PER2: variants seen among roughly 807,000 people sequenced by gnomAD.
PER2 encodes period circadian regulator 2.
In PER2, 66 loss-of-function variants were observed where a neutral mutation model predicts 121.0. The ratio of observed to expected loss-of-function variants is 0.55; its 90% CI spans 0.45 to 0.67. The LOEUF is 0.67. PER2 is among the 30% of genes least tolerant of loss of function. The pLI, the probability that PER2 is intolerant of heterozygous loss-of-function variation, is 0.00. For missense variants in PER2, 1,521 were observed against 1,635.0 expected (o/e 0.93, Z 1.20); for synonymous variants, 684 against 659.9 (o/e 1.04, Z -0.56).
At chr2:238,297,628 G>A in the PER2 span, among the ~76,000 whole-genome samples, 1 of 152,232 alleles carries the variant, frequency 6.6e-6, no homozygotes, top group Non-Finnish European at 1.5e-5. Context: ...GTGGCAGACT[G>A]TGTGCCCTGG....
At chr2:238,264,294 T>C (rs1696029756) in intron 9 of PER2, among the ~76,000 whole-genome samples, 1 of 152,216 alleles carries the variant, frequency 6.6e-6, no homozygotes, top group African/African-American at 2.4e-5. Context: ...AGATCCTGGT[T>C]CCACAGGGCA....
Position 238,268,958 on chromosome 2 carries a change from T to C in PER2, c.789A>G (p.Glu263=), listed in dbSNP as rs745750757. 2 of 1,612,558 alleles carry C rather than the reference T, an allele frequency of 1.2e-6. No individual in the cohort carries two copies. The highest frequency in any genetic ancestry group is 1.7e-6 in the Non-Finnish European group (2 of 1,178,596). Residue 263 remains glutamate, a synonymous_variant, in exon 7 of 23, where the codon GAA becomes GAG. Transcript: ENST00000254657. The surrounding 1 kb of genome is among the most constrained non-coding windows in gnomAD (Gnocchi z 4.0). ...AAAAGAAAGATTTCTCCTCCATGCATTCTTGAGTAAAAGAATCTAAAAGAG... is the reference window on the plus strand; with the variant it reads ...AAAAGAAAGATTTCTCCTCCATGCACTCTTGAGTAAAAGAATCTAAAAGAG... ...MCSGADSFTQ[E]CMEEKSFFCR... is the part of the protein sequence containing the mutation.
In PER2 at chr2:238,268,048, G is replaced by A. The variant is rs374575099; in HGVS notation, c.967+8C>T. ...AACATCTGCCCTCGCCCTGGGCTTGGCTGTTACCTTCATAACCAGAGTGCA... is the reference window on the plus strand; with the variant it reads ...AACATCTGCCCTCGCCCTGGGCTTGACTGTTACCTTCATAACCAGAGTGCA... On this transcript the variant is annotated splice_region_variant and intron_variant, in intron 8 of 22. Coordinates refer to ENST00000254657, the MANE Select transcript of PER2 (RefSeq NM_022817.3). This position sits in a 1 kb window ranked among gnomAD's most constrained non-coding sequence, Gnocchi z 4.0. 7 of 1,613,632 alleles carry A rather than the reference G, an allele frequency of 4.3e-6. No individual in the cohort carries two copies. Among genetic ancestry groups the A allele is most frequent in the Non-Finnish European group, 5.9e-6 (7 of 1,179,918 alleles).
chr2:238,294,925 A>G (rs2106341049), upstream of PER2, among the ~76,000 whole-genome samples: 1 of 152,340 alleles, frequency 6.6e-6, no homozygotes, highest in South Asian at 2.1e-4. Flanking sequence ...CTCTGAGTCC[A>G]CAAGGACTCA....
At position 238,268,038 on chromosome 2, in the gene PER2, C is replaced by A. The variant is rs1261943880; in HGVS notation, c.967+18G>T. 1.2e-6 allele frequency: 2 copies of A among 1,613,272 alleles called. No individual in the cohort carries two copies. The highest frequency in any genetic ancestry group is 8.5e-7 in the Non-Finnish European group (1 of 1,179,918). On this transcript the variant is annotated intron_variant, in intron 8 of 22. Coordinates refer to ENST00000254657, the MANE Select transcript of PER2 (RefSeq NM_022817.3). The surrounding 1 kb of genome is among the most constrained non-coding windows in gnomAD (Gnocchi z 4.0). ...AGCCAGAGACAACATCTGCCCTCGC[C>A]CTGGGCTTGGCTGTTACCTTCATAA...
intron 9 of PER2, among the ~76,000 whole-genome samples, chr2:238,264,066 G>A (rs752289496): frequency 2.0e-5 from 3 of 152,118 alleles, no homozygotes; most frequent in African/African-American, 4.8e-5. Flanking sequence ...GGCTGTCCTT[G>A]GGCTTTGTGA....
Position 238,247,967 on chromosome 2 carries a change from G to A in PER2, c.3618+1095C>T, listed in dbSNP as rs150241868. Among the ~76,000 whole-genome samples the A allele has an allele frequency of 7.9e-5, 12 of 152,366 alleles. No homozygotes were observed. The East Asian group carries it at 2.1e-3, about 27-fold the overall frequency. On this transcript the variant is annotated intron_variant, in intron 22 of 22. Transcript: ENST00000254657. The stretch of plus-strand genomic sequence containing the variant: ...GGAAGCATCCTCATGGCTTGGACCT[G>A]TGTGGTGATGGGCTTCATCTACCTT...
At position 238,288,525 on chromosome 2, in the gene PER2, C is replaced by G. The variant is rs1192257479; in HGVS notation, c.-196G>C. The G allele has an allele frequency of 6.6e-6, 1 of 152,068 alleles. No homozygotes were observed. The highest frequency in any genetic ancestry group is 1.5e-5 in the Non-Finnish European group (1 of 67,984). 9.4% of individuals were successfully genotyped at this position (152,068 alleles called of 1,614,324 possible). ...TTTCAAGCCGAGGAGTCCAGCAGCC[C>G]AAGGAACTTCCGGCGGCGCCTCCGC... On this transcript the variant is annotated 5_prime_UTR_variant, in exon 1 of 23. Coordinates refer to ENST00000254657, the MANE Select transcript of PER2 (RefSeq NM_022817.3).
At chr2:238,298,037 T>A in the PER2 span, among the ~76,000 whole-genome samples, 2 of 150,028 alleles carry the variant, frequency 1.3e-5, no homozygotes, top group Admixed American at 1.3e-4. Context: ...TGTTCTTTTT[T>A]TTTTTTTTTT....
At chr2:238,249,331 A>G in intron 21 of PER2, 119 bp from the exon 22 acceptor site, 1 of 1,071,248 alleles carries the variant, frequency 9.3e-7, no homozygotes, top group Non-Finnish European at 1.4e-6. Context: ...CTTTTCTTTA[A>G]AAAAATTTTC....
At chr2:238,276,011 G>A in intron 3 of PER2, 114 bp from the exon 4 acceptor site, 1 of 846,586 alleles carries the variant, frequency 1.2e-6, no homozygotes, top group Non-Finnish European at 2.0e-6. Context: ...TTCTGGTCTG[G>A]GTGGCCCTTT....
intron 6 of PER2, among the ~76,000 whole-genome samples, chr2:238,270,107 G>T (rs1226806029): frequency 1.3e-5 from 2 of 152,226 alleles, no homozygotes; most frequent in African/African-American, 2.4e-5. Context: ...AACCGAATTT[G>T]TCAGCCTCTT....
chr2:238,255,101 C>T (rs1695721318), intron 18 of PER2: 2 of 163,910 alleles, frequency 1.2e-5, no homozygotes, highest in African/African-American at 2.4e-5. Context: ...TATTTTACTT[C>T]ATCCCTTGAC....
intron 22 of PER2, 100 bp downstream of exon 22, chr2:238,248,962 A>G (rs1695522457): frequency 2.2e-6 from 3 of 1,340,444 alleles, no homozygotes; most frequent in Non-Finnish European, 3.2e-6. Context: ...GCCTAATTTT[A>G]GAAGTTTTAA....
At position 238,285,344 on chromosome 2, in the gene PER2, G is replaced by C. The variant is rs192631934; in HGVS notation, c.-20+3005C>G. ...GGGATCAGGAGGAAAAGCAGCTGGT[G>C]GGGGTGGGGAAGGAGTGGGGCCAGG... On this transcript the variant is annotated intron_variant, in intron 1 of 22. Transcript: ENST00000254657. Among the ~76,000 whole-genome samples, 64 of 152,302 alleles carry C rather than the reference G, an allele frequency of 4.2e-4. No homozygotes were observed. The Middle Eastern group carries it at 0.014, about 32-fold the overall frequency.
At chr2:238,262,417 A>G (rs1695964490) in intron 10 of PER2, 73 bp from the exon 11 acceptor site, 2 of 1,453,224 alleles carry the variant, frequency 1.4e-6, no homozygotes, top group African/African-American at 2.8e-5. Context: ...AGACAAGTCA[A>G]GAGTCACTCA....
chr2:238,288,760 C>T (rs1260101927), upstream of PER2, among the ~76,000 whole-genome samples: 1 of 151,476 alleles, frequency 6.6e-6, no homozygotes, highest in African/African-American at 2.4e-5. Context: ...CTCAGCGCCG[C>T]CGCCTCCGCC....
Position 238,262,172 on chromosome 2 carries a change from G to T in PER2, c.1307+19C>A, listed in dbSNP as rs148328183. 1.2e-6 allele frequency: 2 copies of T among 1,612,178 alleles called. No homozygotes were observed. Among genetic ancestry groups the T allele is most frequent in the Non-Finnish European group, 1.7e-6 (2 of 1,179,262 alleles). On this transcript the variant is annotated intron_variant, in intron 11 of 22. Transcript: ENST00000254657. Reference sequence around the variant, plus strand: ...CCGCCCAAGACCCCTGAGCCACCTCGGGCCCTTGGAGCACTCACACCCTGA... The same window carrying T: ...CCGCCCAAGACCCCTGAGCCACCTCTGGCCCTTGGAGCACTCACACCCTGA...
At chr2:238,249,433 C>G (rs1289500445) in intron 21 of PER2, among the ~76,000 whole-genome samples, 3 of 152,110 alleles carry the variant, frequency 2.0e-5, no homozygotes. Context: ...CTGTATTTTA[C>G]AATAGGCCTG....
Sources: allele counts gnomAD v4.1 joint callset (sites outside exome capture counted in the v4.1 genomes callset), GRCh38; gene constraint gnomAD v4.1.1; non-coding constraint Gnocchi (gnomAD v3.1); transcripts MANE v1.5; gene names NCBI Gene and HGNC (gene_info 2026-07-23, HGNC 2026-07-21).